Variants in MAGI2 observed in about 807,000 individuals in gnomAD.
The protein encoded by MAGI2 is membrane associated guanylate kinase, WW and PDZ domain containing 2, also known as membrane-associated guanylate kinase, WW and PDZ domain-containing protein 2.
In MAGI2, 35 loss-of-function variants were observed where a neutral mutation model predicts 133.3. That is an observed-to-expected ratio of 0.26 (90% CI 0.20 to 0.35). MAGI2 has a LOEUF of 0.35. Among genes scored for constraint, MAGI2 ranks in the 10% least tolerant of loss-of-function variants. The pLI is 1.00. For synonymous variants in MAGI2, 729 were observed against 710.6 expected (o/e 1.03, Z -0.41); for missense variants, 1,636 against 1,863.4 (o/e 0.88, Z 2.25).
intron 1 of MAGI2, among the ~76,000 whole-genome samples, chr7:79,403,101 C>T (rs1010108761): frequency 6.6e-6 from 1 of 152,148 alleles, no homozygotes; most frequent in Non-Finnish European, 1.5e-5. Flanking sequence ...ACATATTATG[C>T]ACCTGAAAAT....
chr7:78,219,014 G>A (rs1788541883), intron 10 of MAGI2, among the ~76,000 whole-genome samples: 1 of 152,186 alleles, frequency 6.6e-6, no homozygotes. Context: ...TGCTATGGAT[G>A]AAGGTCAAAT....
intron 2 of MAGI2, among the ~76,000 whole-genome samples, chr7:78,627,627 A>G (rs772930942): frequency 4.6e-5 from 7 of 152,200 alleles, no homozygotes; most frequent in Non-Finnish European, 7.3e-5. Context: ...CTGCTGTGCT[A>G]TGACATAAAA....
At chr7:79,299,548 C>A (rs1280643734) in intron 1 of MAGI2, among the ~76,000 whole-genome samples, 1 of 3,864 alleles carries the variant, frequency 2.6e-4, no homozygotes, top group African/African-American at 4.5e-4. Flanking sequence ...GAGCAAGACT[C>A]CATCTCAAAA....
In MAGI2 at chr7:78,209,193, C is replaced by T. The variant is rs113527903; in HGVS notation, c.2048-8000G>A. On this transcript the variant is annotated intron_variant, in intron 10 of 21. Transcript: ENST00000354212. ...GCTGAGATCGCGCCACTGCACTCCA[C>T]CCTGGGCGACAGAGCAAGACTCTGT... 2.0e-4 allele frequency among the ~76,000 whole-genome samples: 6 copies of T among 30,108 alleles called. No homozygotes were observed. The South Asian group carries it at 0.01, about 51-fold the overall frequency. The allele number at this position is 30,108 out of a possible 152,430, so 19.8% of individuals were successfully genotyped here. A position where few individuals can be genotyped will look rare whatever the true frequency, so the allele number is the denominator to read the frequency against.
In MAGI2 at chr7:78,209,092, GGC is replaced by G. The variant is rs1371455127; in HGVS notation, c.2048-7901_2048-7900del. On this transcript the variant is annotated intron_variant, in intron 10 of 21. Transcript: ENST00000354212. ...AAAAAATTAGCCGGGCGTGGTGGCG[GGC>G]GCCTGTAGTCCCAGCTACTTGGGAG... Among the ~76,000 whole-genome samples, 10 of 131,092 alleles carry G rather than the reference GGC, an allele frequency of 7.6e-5. No homozygotes were observed. The East Asian group carries it at 2.1e-3, about 28-fold the overall frequency. The allele number at this position is 131,092 out of a possible 152,430, so 86.0% of individuals were successfully genotyped here.
At chr7:78,127,587 C>T (rs1237174548) in intron 18 of MAGI2, among the ~76,000 whole-genome samples, 171 bp from the exon 19 acceptor site, 1 of 152,164 alleles carries the variant, frequency 6.6e-6, no homozygotes, top group Admixed American at 6.5e-5. Flanking sequence ...ATTTAAAAAT[C>T]TCTGACAAAT....
At chr7:79,350,283 C>T (rs565547002) in intron 1 of MAGI2, among the ~76,000 whole-genome samples, 3 of 152,064 alleles carry the variant, frequency 2.0e-5, no homozygotes, top group South Asian at 2.1e-4. Flanking sequence ...CTCAGGGACA[C>T]GCAAATAGTC....
At chr7:78,893,779 T>G (rs1348735047) in intron 2 of MAGI2, among the ~76,000 whole-genome samples, 1 of 152,114 alleles carries the variant, frequency 6.6e-6, no homozygotes, top group Non-Finnish European at 1.5e-5. Flanking sequence ...TAATGTTAAA[T>G]GACGAGTTAA....
chr7:79,150,258 T>TAA (rs59728410), intron 1 of MAGI2, among the ~76,000 whole-genome samples: 93,242 of 148,076 alleles, frequency 0.63, 33,517 homozygotes, highest in Non-Finnish European at 0.82. Flanking sequence ...AATTTACGGT[T>TAA]AAAAAAAAAA....
intron 2 of MAGI2, among the ~76,000 whole-genome samples, chr7:78,781,967 T>C (rs1339525456): frequency 6.6e-6 from 1 of 152,234 alleles, no homozygotes; most frequent in African/African-American, 2.4e-5. Context: ...TCTTTAAAAT[T>C]CTACATGTTT....
intron 1 of MAGI2, among the ~76,000 whole-genome samples, chr7:79,056,185 G>A (rs1813131641): frequency 6.6e-6 from 1 of 152,030 alleles, no homozygotes; most frequent in Non-Finnish European, 1.5e-5. Flanking sequence ...CTTGATGCCA[G>A]GAGTTCAAGA....
rs182690956 is a variant in MAGI2, at chr7:78,723,834, T to C, written c.419-96595A>G. Among the ~76,000 whole-genome samples, 186 of 152,128 alleles carry C rather than the reference T, an allele frequency of 1.2e-3. 1 individual carries two copies. The highest frequency in any genetic ancestry group is 4.2e-3 in the African/African-American group (173 of 41,496). On this transcript the variant is annotated intron_variant, in intron 2 of 21. Coordinates refer to ENST00000354212, the MANE Select transcript of MAGI2 (RefSeq NM_012301.4). ...TTAATTCAAAGTATAGGGAGATAGATGTTGTGAAAGGTAGTTGAAGCCATG... is the reference window on the plus strand; with the variant it reads ...TTAATTCAAAGTATAGGGAGATAGACGTTGTGAAAGGTAGTTGAAGCCATG...
chr7:78,884,476 C>T (rs1022664092), intron 2 of MAGI2, among the ~76,000 whole-genome samples: 13 of 151,740 alleles, frequency 8.6e-5, no homozygotes, highest in Non-Finnish European at 1.6e-4. Context: ...GACCCTGTCT[C>T]CAAAAATAAA....
chr7:78,455,298 A>C (rs1430413123), intron 6 of MAGI2, among the ~76,000 whole-genome samples: 1 of 152,164 alleles, frequency 6.6e-6, no homozygotes, highest in Non-Finnish European at 1.5e-5. Context: ...ATGTCTACTT[A>C]TCTGTTGTTA....
chr7:79,136,422 C>A (rs1431037746), intron 1 of MAGI2, among the ~76,000 whole-genome samples: 1 of 152,200 alleles, frequency 6.6e-6, no homozygotes, highest in African/African-American at 2.4e-5. Context: ...ACATGCAAAT[C>A]TGCAGTGAAC....
intron 9 of MAGI2, among the ~76,000 whole-genome samples, chr7:78,257,841 G>T (rs868302581): frequency 2.0e-5 from 3 of 152,194 alleles, no homozygotes; most frequent in Middle Eastern, 3.4e-3. Flanking sequence ...ACAGACATCA[G>T]TTTATCAGAA....
chr7:78,265,667 C>T (rs571264856), intron 9 of MAGI2, among the ~76,000 whole-genome samples: 44 of 152,252 alleles, frequency 2.9e-4, no homozygotes, highest in Non-Finnish European at 4.7e-4. Flanking sequence ...ACATATTAAC[C>T]GCCCCCAACC....
chr7:78,361,321 A>G (rs1792773315), intron 7 of MAGI2, among the ~76,000 whole-genome samples: 1 of 148,926 alleles, frequency 6.7e-6, no homozygotes, highest in Admixed American at 6.8e-5. Context: ...TGAAACCGGG[A>G]GGCGGAGCTT....
intron 2 of MAGI2, among the ~76,000 whole-genome samples, chr7:78,888,124 G>A (rs934224705): frequency 2.0e-4 from 30 of 152,174 alleles, no homozygotes; most frequent in African/African-American, 4.8e-4. Flanking sequence ...ACAGAACCTC[G>A]CTCATTGCTA....
Sources: allele counts gnomAD v4.1 joint callset (sites outside exome capture counted in the v4.1 genomes callset), GRCh38; gene constraint gnomAD v4.1.1; transcripts MANE v1.5; gene names NCBI Gene and HGNC (gene_info 2026-07-23, HGNC 2026-07-21).